Variants in CSMD1 observed in about 807,000 individuals in gnomAD.
CSMD1 encodes CUB and sushi domain-containing protein 1.
CSMD1 carries 213 observed loss-of-function variants against 417.5 expected under a neutral mutation model. The ratio of observed to expected loss-of-function variants is 0.51; its 90% confidence interval spans 0.46 to 0.57. The LOEUF (loss-of-function observed/expected upper bound fraction) is 0.57, where lower values mean the gene tolerates loss of function less well. Ranked by LOEUF, CSMD1 falls within the 20% of genes least tolerant of loss-of-function variation. The probability of loss-of-function intolerance (pLI) is 0.00; values close to 1 mark genes in which losing one functional copy is unlikely to be tolerated. For missense variants in CSMD1, 6,923 were observed against 4,529.7 expected, an observed-to-expected ratio of 1.53 and a Z score of -15.17; for synonymous variants, 2,862 against 1,736.8, an observed-to-expected ratio of 1.65 and a Z score of -16.11.
intron 1 of CSMD1, among the ~76,000 whole-genome samples, chr8:4,972,824 C>T (rs190301193): frequency 1.8e-4 from 28 of 152,160 alleles, no homozygotes; most frequent in Admixed American, 3.3e-4. Context: ...TGCTCTATTT[C>T]CTGAATATTG....
chr8:3,549,739 G>A (rs1458274670), intron 10 of CSMD1, among the ~76,000 whole-genome samples: 1 of 152,082 alleles, frequency 6.6e-6, no homozygotes. Context: ...CCAGCAAGAA[G>A]GCGATCCCCA....
At chr8:4,201,525 C>T (rs1585012750) in intron 3 of CSMD1, among the ~76,000 whole-genome samples, 1 of 95,732 alleles carries the variant, frequency 1.0e-5, no homozygotes, top group Admixed American at 1.8e-4. Flanking sequence ...GTAAGAGATC[C>T]AGACTCTGTC....
intron 5 of CSMD1, among the ~76,000 whole-genome samples, chr8:3,881,630 A>C (rs1806212159): frequency 1.5e-5 from 2 of 137,158 alleles, no homozygotes; most frequent in Non-Finnish European, 3.1e-5. Flanking sequence ...AAACAAAAAC[A>C]AAAACAAACA....
chr8:3,505,433 G>A (rs537171038), intron 10 of CSMD1, among the ~76,000 whole-genome samples: 1 of 152,100 alleles, frequency 6.6e-6, no homozygotes, highest in South Asian at 2.1e-4. Context: ...TCAATAATTA[G>A]AAAAATAATG....
At chr8:3,679,432 CAAAG>C (rs1164558267) in intron 7 of CSMD1, among the ~76,000 whole-genome samples, 2 of 152,088 alleles carry the variant, frequency 1.3e-5, no homozygotes, top group East Asian at 3.9e-4. Context: ...TCAAAAGAGA[CAAAG>C]AAAGCCATTA....
At chr8:3,768,189 TTAGG>T (rs1798390001) in intron 5 of CSMD1, among the ~76,000 whole-genome samples, 1 of 152,152 alleles carries the variant, frequency 6.6e-6, no homozygotes, top group Non-Finnish European at 1.5e-5. Flanking sequence ...AAGGGAATCT[TTAGG>T]AAGAGTGGTT....
chr8:3,261,443 T>C (rs1392082136), intron 26 of CSMD1, among the ~76,000 whole-genome samples: 1 of 151,988 alleles, frequency 6.6e-6, no homozygotes, highest in Non-Finnish European at 1.5e-5. Context: ...TGCGCCAAAA[T>C]CCTACAAATC....
At chr8:4,437,149 T>C (rs1224288706) in intron 2 of CSMD1, among the ~76,000 whole-genome samples, 1 of 152,158 alleles carries the variant, frequency 6.6e-6, no homozygotes, top group Non-Finnish European at 1.5e-5. Flanking sequence ...ATTTTAGAAA[T>C]GGCAAATCCA....
chr8:4,638,539 T>C (rs990038745), intron 1 of CSMD1, among the ~76,000 whole-genome samples: 1 of 152,174 alleles, frequency 6.6e-6, no homozygotes, highest in African/African-American at 2.4e-5. Flanking sequence ...TGTCTACCCG[T>C]TCACACAGGC....
intron 3 of CSMD1, among the ~76,000 whole-genome samples, chr8:4,348,282 C>A (rs1327103353): frequency 2.0e-5 from 3 of 151,930 alleles, no homozygotes; most frequent in African/African-American, 7.3e-5. Context: ...TAGATATAAC[C>A]AGGAGCAAAG....
chr8:4,108,577 C>G (rs1380198865), intron 3 of CSMD1, among the ~76,000 whole-genome samples: 3 of 152,160 alleles, frequency 2.0e-5, no homozygotes, highest in Non-Finnish European at 4.4e-5. Context: ...ATATGCCATC[C>G]CTTTAGATTT....
chr8:3,746,133 A>C (rs1443462190), intron 6 of CSMD1, among the ~76,000 whole-genome samples: 1 of 152,258 alleles, frequency 6.6e-6, no homozygotes, highest in Non-Finnish European at 1.5e-5. Flanking sequence ...TGCCTGCATG[A>C]GACAGAGAAC....
At chr8:4,419,450 G>A (rs1459661092) in intron 3 of CSMD1, among the ~76,000 whole-genome samples, 1 of 152,082 alleles carries the variant, frequency 6.6e-6, no homozygotes, top group African/African-American at 2.4e-5. Context: ...CACAAAATCT[G>A]AAGACATGAA....
intron 7 of CSMD1, among the ~76,000 whole-genome samples, chr8:3,688,160 A>T (rs929125303): frequency 4.6e-5 from 7 of 152,354 alleles, no homozygotes; most frequent in Middle Eastern, 3.4e-3. Flanking sequence ...ACACAATAAA[A>T]ATACATGAGA....
chr8:3,238,487 A>T (rs1281699784), intron 26 of CSMD1, among the ~76,000 whole-genome samples: 2 of 152,106 alleles, frequency 1.3e-5, no homozygotes, highest in Non-Finnish European at 2.9e-5. Context: ...TGGGGGTGGT[A>T]TGGAGACATA....
intron 5 of CSMD1, among the ~76,000 whole-genome samples, chr8:3,937,561 G>C (rs1259701691): frequency 6.6e-6 from 1 of 152,102 alleles, no homozygotes; most frequent in Non-Finnish European, 1.5e-5. Flanking sequence ...ACACTCAACA[G>C]AATGCAGTGT....
At chr8:4,662,866 G>A (rs756938502) in intron 1 of CSMD1, among the ~76,000 whole-genome samples, 22 of 152,124 alleles carry the variant, frequency 1.4e-4, no homozygotes, top group Non-Finnish European at 2.8e-4. Flanking sequence ...GTGGAAACGC[G>A]GGTGACAGTG....
intron 2 of CSMD1, among the ~76,000 whole-genome samples, chr8:4,567,717 T>C (rs73184948): frequency 0.16 from 24,911 of 152,122 alleles, 2,366 homozygotes; most frequent in Non-Finnish European, 0.21. Flanking sequence ...CCAATTCCAA[T>C]GTTACTTACT....
intron 3 of CSMD1, among the ~76,000 whole-genome samples, chr8:4,414,575 T>C (rs1426925730): frequency 6.6e-6 from 1 of 152,112 alleles, no homozygotes; most frequent in Admixed American, 6.5e-5. Flanking sequence ...ATATAATCTC[T>C]TTATCTTTAA....
Sources: allele counts gnomAD v4.1 joint callset (sites outside exome capture counted in the v4.1 genomes callset), GRCh38; gene constraint gnomAD v4.1.1; transcripts MANE v1.5; gene names NCBI Gene and HGNC (gene_info 2026-07-23, HGNC 2026-07-21).